The following SGCZ variants were observed in gnomAD, a reference collection of about 807,000 sequenced individuals.
SGCZ encodes zeta-sarcoglycan.
A neutral mutation model predicts 41.3 loss-of-function variants in SGCZ; 40 were observed. That is an observed-to-expected ratio of 0.97 (90% CI 0.75 to 1.26). The LOEUF (loss-of-function observed/expected upper bound fraction) is 1.26, where lower values mean the gene tolerates loss of function less well. Ranked by LOEUF, SGCZ falls within the 50% of genes most tolerant of loss-of-function variation. The probability of loss-of-function intolerance (pLI) is 0.00; values close to 1 mark genes in which losing one functional copy is unlikely to be tolerated. For synonymous variants in SGCZ, 206 were observed against 137.5 expected (o/e 1.50, Z -3.49); for missense variants, 552 against 369.8 (o/e 1.49, Z -4.04).
intron 1 of SGCZ, among the ~76,000 whole-genome samples, chr8:14,860,610 GAC>G (rs1803699575): frequency 7.0e-6 from 1 of 142,118 alleles, no homozygotes. Flanking sequence ...AAATGAAAAA[GAC>G]AAGACAGAGA....
chr8:14,746,549 T>C (rs1046210557), intron 1 of SGCZ, among the ~76,000 whole-genome samples: 1 of 152,138 alleles, frequency 6.6e-6, no homozygotes, highest in Non-Finnish European at 1.5e-5. Flanking sequence ...TCAGGATGTG[T>C]AAATAAAATA....
intron 2 of SGCZ, among the ~76,000 whole-genome samples, chr8:14,469,642 C>T (rs1801158279): frequency 6.6e-6 from 1 of 152,060 alleles, no homozygotes; most frequent in African/African-American, 2.4e-5. Context: ...GGACTTGTCA[C>T]CAGAAAGACC....
chr8:15,089,494 T>G (rs1454264577), intron 1 of SGCZ, among the ~76,000 whole-genome samples: 1 of 151,786 alleles, frequency 6.6e-6, no homozygotes, highest in Non-Finnish European at 1.5e-5. Context: ...AAAATGAAGT[T>G]TTACCATACA....
chr8:15,068,640 C>G (rs1474881780), intron 1 of SGCZ, among the ~76,000 whole-genome samples: 1 of 152,130 alleles, frequency 6.6e-6, no homozygotes, highest in Non-Finnish European at 1.5e-5. Context: ...CATAACACAT[C>G]CTTGCAAAGA....
intron 2 of SGCZ, among the ~76,000 whole-genome samples, chr8:14,553,918 A>C (rs1803952663): frequency 6.6e-6 from 1 of 152,040 alleles, no homozygotes; most frequent in Admixed American, 6.6e-5. Context: ...TTGTATGTGG[A>C]GATATCTGAG....
chr8:14,710,884 C>G (rs899895269), intron 1 of SGCZ, among the ~76,000 whole-genome samples: 1 of 152,030 alleles, frequency 6.6e-6, no homozygotes, highest in African/African-American at 2.4e-5. Context: ...AAAACACACT[C>G]AAAACGAAGA....
intron 4 of SGCZ, among the ~76,000 whole-genome samples, chr8:14,197,589 G>A (rs1453708280): frequency 6.6e-6 from 1 of 151,658 alleles, no homozygotes. Context: ...TAGAGAAAAA[G>A]CTTCTGTCAA....
chr8:14,096,611 G>GGACTC (rs1317384258), intron 7 of SGCZ, among the ~76,000 whole-genome samples: 3 of 152,080 alleles, frequency 2.0e-5, no homozygotes, highest in Non-Finnish European at 4.4e-5. Context: ...GGATGATGCT[G>GGACTC]GACTCATAAA....
intron 1 of SGCZ, among the ~76,000 whole-genome samples, chr8:14,825,404 A>T (rs1802268199): frequency 6.6e-6 from 1 of 152,166 alleles, no homozygotes; most frequent in Admixed American, 6.5e-5. Context: ...TTACTGAAGA[A>T]CTCAAAAAAT....
intron 1 of SGCZ, among the ~76,000 whole-genome samples, chr8:14,742,772 G>C (rs951766856): frequency 1.2e-4 from 18 of 152,000 alleles, no homozygotes; most frequent in Admixed American, 3.3e-4. Flanking sequence ...CAAACATAAG[G>C]AAGAGGTTAG....
chr8:15,059,698 C>T (rs1309490320), intron 1 of SGCZ, among the ~76,000 whole-genome samples: 2 of 152,116 alleles, frequency 1.3e-5, no homozygotes, highest in African/African-American at 4.8e-5. Flanking sequence ...TATTGAATTT[C>T]TGAACATAAT....
chr8:14,112,048 A>T (rs911399892), intron 5 of SGCZ, among the ~76,000 whole-genome samples: 2 of 152,152 alleles, frequency 1.3e-5, no homozygotes, highest in Non-Finnish European at 2.9e-5. Context: ...TTTTTACAGA[A>T]GTCACTGGTC....
chr8:14,723,077 A>C (rs1013910470), intron 1 of SGCZ, among the ~76,000 whole-genome samples: 2 of 152,194 alleles, frequency 1.3e-5, no homozygotes, highest in Non-Finnish European at 2.9e-5. Flanking sequence ...GGTTCAAAAG[A>C]AATGCACAAA....
chr8:14,156,119 C>G (rs1394190896), intron 5 of SGCZ, among the ~76,000 whole-genome samples: 1 of 152,102 alleles, frequency 6.6e-6, no homozygotes, highest in African/African-American at 2.4e-5. Flanking sequence ...ACTTTACTGT[C>G]CACTACTGTA....
At chr8:14,296,308 C>A (rs889817107) in intron 3 of SGCZ, among the ~76,000 whole-genome samples, 2 of 152,120 alleles carry the variant, frequency 1.3e-5, no homozygotes, top group Non-Finnish European at 2.9e-5. Flanking sequence ...AGCAGCAATC[C>A]ATGATCCATA....
At chr8:14,400,541 C>T (rs1799041834) in intron 2 of SGCZ, among the ~76,000 whole-genome samples, 1 of 152,054 alleles carries the variant, frequency 6.6e-6, no homozygotes, top group Non-Finnish European at 1.5e-5. Flanking sequence ...GCATTCTATT[C>T]CAAGCAAGAT....
chr8:14,553,962 G>T (rs187305874), intron 2 of SGCZ, among the ~76,000 whole-genome samples: 4 of 152,174 alleles, frequency 2.6e-5, no homozygotes, highest in Admixed American at 1.3e-4. Flanking sequence ...TTTAAAAGCA[G>T]AGTAGAGAAA....
At chr8:15,211,791 T>G (rs1194301203) in intron 1 of SGCZ, among the ~76,000 whole-genome samples, 1 of 152,144 alleles carries the variant, frequency 6.6e-6, no homozygotes, top group African/African-American at 2.4e-5. Context: ...CAAATTATCA[T>G]AAAACAGACT....
At chr8:14,545,589 C>G (rs1803601090) in intron 2 of SGCZ, among the ~76,000 whole-genome samples, 1 of 152,120 alleles carries the variant, frequency 6.6e-6, no homozygotes, top group Admixed American at 6.6e-5. Flanking sequence ...AGATGACACA[C>G]ATATTTCATA....
Sources: allele counts gnomAD v4.1 joint callset (sites outside exome capture counted in the v4.1 genomes callset), GRCh38; gene constraint gnomAD v4.1.1; transcripts MANE v1.5; gene names NCBI Gene and HGNC (gene_info 2026-07-23, HGNC 2026-07-21).